VAT1L: variants seen among roughly 807,000 people sequenced by gnomAD.
VAT1L encodes vesicle amine transport 1 like, also known as putative NADPH-dependent quinone oxidoreductase VAT1L.
In VAT1L, 34 loss-of-function variants were observed where a neutral mutation model predicts 44.1. The ratio of observed to expected loss-of-function variants is 0.77; its 90% CI spans 0.59 to 1.03. VAT1L has a LOEUF of 1.03. VAT1L is among the 50% of genes least tolerant of loss of function. The pLI, the probability that VAT1L is intolerant of heterozygous loss-of-function variation, is 0.00. For missense variants in VAT1L, 615 were observed against 538.8 expected (o/e 1.14, Z -1.40); for synonymous variants, 253 against 202.2 (o/e 1.25, Z -2.13).
At chr16:77,958,909 C>A (rs1265181685) in intron 7 of VAT1L, among the ~76,000 whole-genome samples, 1 of 152,182 alleles carries the variant, frequency 6.6e-6, no homozygotes, top group Non-Finnish European at 1.5e-5. Flanking sequence ...ACTAGTTATC[C>A]TGTTGCCAAG....
chr16:77,846,538 A>C (rs992354120), intron 3 of VAT1L, among the ~76,000 whole-genome samples: 2 of 152,178 alleles, frequency 1.3e-5, no homozygotes, highest in Non-Finnish European at 2.9e-5. Context: ...GCAAACATTG[A>C]GCATCAGCAG....
intron 3 of VAT1L, among the ~76,000 whole-genome samples, chr16:77,856,824 G>A (rs954095131): frequency 4.6e-5 from 7 of 152,210 alleles, no homozygotes; most frequent in Admixed American, 6.5e-5. Context: ...GGGCTTAGCT[G>A]CACAGATGAG....
At chr16:77,819,045 T>C (rs1318325306) in intron 2 of VAT1L, among the ~76,000 whole-genome samples, 5 of 152,178 alleles carry the variant, frequency 3.3e-5, no homozygotes, top group Admixed American at 6.5e-5. Flanking sequence ...GAAGTGGTTA[T>C]GTTTTAAATG....
chr16:77,939,097 C>T (rs3886126), intron 7 of VAT1L, among the ~76,000 whole-genome samples: 38,202 of 152,046 alleles, frequency 0.25, 5,222 homozygotes, highest in East Asian at 0.56. Context: ...CCTGTTAGTT[C>T]CTAGGTACTC....
intron 7 of VAT1L, among the ~76,000 whole-genome samples, chr16:77,924,262 C>T (rs2017642910): frequency 6.6e-6 from 1 of 152,064 alleles, no homozygotes; most frequent in Non-Finnish European, 1.5e-5. Flanking sequence ...CTCATGACTG[C>T]AGGCAGGATC....
At chr16:77,903,523 A>G (rs1309277356) in intron 7 of VAT1L, among the ~76,000 whole-genome samples, 1 of 152,172 alleles carries the variant, frequency 6.6e-6, no homozygotes, top group East Asian at 1.9e-4. Flanking sequence ...TTCTAAGCCA[A>G]GCATTGGACT....
chr16:77,910,148 A>G (rs766731419), intron 7 of VAT1L, among the ~76,000 whole-genome samples: 6 of 152,240 alleles, frequency 3.9e-5, no homozygotes, highest in Admixed American at 2.0e-4. Context: ...GTCCTACTTG[A>G]TTCCCTAAGA....
chr16:77,857,062 A>G (rs2016866419), intron 3 of VAT1L, among the ~76,000 whole-genome samples: 1 of 152,232 alleles, frequency 6.6e-6, no homozygotes, highest in East Asian at 1.9e-4. Flanking sequence ...CGCAGCTGCT[A>G]TTAATGCTGT....
intron 7 of VAT1L, among the ~76,000 whole-genome samples, chr16:77,900,626 C>G (rs2017370848): frequency 1.3e-5 from 2 of 150,112 alleles, no homozygotes; most frequent in African/African-American, 4.9e-5. Context: ...ACCCGGGAGG[C>G]AGAGGTTGCA....
chr16:77,857,978 C>T (rs1835847094), intron 3 of VAT1L, among the ~76,000 whole-genome samples: 1 of 152,012 alleles, frequency 6.6e-6, no homozygotes, highest in Admixed American at 6.6e-5. Flanking sequence ...GGCTGCAAAA[C>T]GACTGGGAAG....
intron 7 of VAT1L, among the ~76,000 whole-genome samples, chr16:77,929,225 C>T (rs963974715): frequency 1.3e-5 from 2 of 152,166 alleles, no homozygotes; most frequent in Non-Finnish European, 2.9e-5. Flanking sequence ...TCCAGAAATT[C>T]CCCCTCTCCT....
chr16:77,932,249 G>A lies in VAT1L; in HGVS notation c.1078-39601G>A, dbSNP rs11150028. 8.8e-3 allele frequency among the ~76,000 whole-genome samples: 1,340 copies of A among 151,766 alleles called. 19 individuals carry two copies. Among genetic ancestry groups the A allele is most frequent in the African/African-American group, 0.031 (1,295 of 41,406 alleles). On this transcript the variant is annotated intron_variant, in intron 7 of 8. Coordinates refer to ENST00000302536, the MANE Select transcript of VAT1L (RefSeq NM_020927.3). ...CTCCCAAGTAGCTGGGACTACAGGC[G>A]CCCGCCACCACAGCTGGCTAATTTT...
intron 7 of VAT1L, among the ~76,000 whole-genome samples, chr16:77,926,541 A>G (rs190517860): frequency 0.014 from 2,134 of 152,170 alleles, 39 homozygotes; most frequent in Non-Finnish European, 0.023. Context: ...CTGAGACTGC[A>G]CCATGCACTC....
intron 1 of VAT1L, among the ~76,000 whole-genome samples, chr16:77,790,926 G>A (rs568740927): frequency 3.3e-5 from 5 of 152,156 alleles, no homozygotes; most frequent in Non-Finnish European, 5.9e-5. Flanking sequence ...GTGAAAGCCT[G>A]TTCTTCAGTG....
At chr16:77,856,842 A>AT (rs1166570095) in intron 3 of VAT1L, among the ~76,000 whole-genome samples, 1 of 152,224 alleles carries the variant, frequency 6.6e-6, no homozygotes, top group Non-Finnish European at 1.5e-5. Flanking sequence ...GAGAAGATTA[A>AT]TAGCAGAGTG....
intron 5 of VAT1L, among the ~76,000 whole-genome samples, chr16:77,878,103 A>G (rs2017108996): frequency 6.6e-6 from 1 of 152,214 alleles, no homozygotes. Context: ...ACAATTATCT[A>G]CTTCATTACG....
chr16:77,897,765 G>A (rs1004079319), intron 7 of VAT1L, among the ~76,000 whole-genome samples: 32 of 152,184 alleles, frequency 2.1e-4, no homozygotes, highest in Non-Finnish European at 2.1e-4. Flanking sequence ...GTGAGCCACT[G>A]CGCCCAGCCC....
In VAT1L at chr16:77,884,869, A is replaced by C; in HGVS notation, c.1077+67A>C. On this transcript the variant is annotated intron_variant, in intron 7 of 8. Transcript: ENST00000302536. This position sits in a 1 kb window ranked among gnomAD's most constrained non-coding sequence, Gnocchi z 4.5. ...TAACTCAGGAAGGTTTGGGCAGCCA[A>C]ATACAATCTTCTACTAAATGATTTT... 7.1e-7 allele frequency: 1 copy of C among 1,403,538 alleles called. No individual in the cohort carries two copies. Among genetic ancestry groups the C allele is most frequent in the Non-Finnish European group, 9.3e-7 (1 of 1,072,082 alleles). 86.9% of individuals were successfully genotyped at this position (1,403,538 alleles called of 1,614,324 possible).
At chr16:77,891,247 G>C (rs985346442) in intron 7 of VAT1L, among the ~76,000 whole-genome samples, 2 of 151,812 alleles carry the variant, frequency 1.3e-5, no homozygotes, top group Non-Finnish European at 2.9e-5. Context: ...CCAGCTACTC[G>C]GGAGGCTGAG....
Sources: gnomAD v4.1 joint callset for allele counts (sites outside exome capture counted in the v4.1 genomes callset) on GRCh38, gnomAD v4.1.1 for gene constraint, Gnocchi (gnomAD v3.1) non-coding constraint, MANE v1.5 for transcripts, NCBI Gene and HGNC (gene_info 2026-07-23, HGNC 2026-07-21) for gene names.